The following KLHL32 variants were observed in gnomAD, a reference collection of about 807,000 sequenced individuals.
KLHL32 encodes the protein kelch-like protein 32.
In KLHL32, 35 loss-of-function variants were observed where a neutral mutation model predicts 64.8. The observed-to-expected ratio is 0.54, with a 90% CI of 0.41 to 0.72. The LOEUF is 0.72. Among genes scored for constraint, KLHL32 ranks in the 30% least tolerant of loss-of-function variants. KLHL32 has a pLI of 0.00. For missense variants in KLHL32, 589 were observed against 768.5 expected, an observed-to-expected ratio of 0.77 and a Z score of 2.76; for synonymous variants, 259 against 281.0, an observed-to-expected ratio of 0.92 and a Z score of 0.78.
At chr6:96,989,808 T>C (rs1334797894) in intron 3 of KLHL32, among the ~76,000 whole-genome samples, 1 of 152,218 alleles carries the variant, frequency 6.6e-6, no homozygotes, top group Non-Finnish European at 1.5e-5. Flanking sequence ...TTTAAACTTT[T>C]GGCTGACTGA....
chr6:96,898,576 CT>C, the KLHL32 span, among the ~76,000 whole-genome samples: 4 of 152,086 alleles, frequency 2.6e-5, no homozygotes, highest in East Asian at 7.7e-4. Context: ...TACTAATTTA[CT>C]TCTCCATGCT....
At chr6:96,934,776 G>C (rs1178596067) in intron 1 of KLHL32, among the ~76,000 whole-genome samples, 1 of 152,198 alleles carries the variant, frequency 6.6e-6, no homozygotes, top group East Asian at 1.9e-4. Context: ...TTTAGATTTA[G>C]AGCATTGATA....
chr6:96,909,042 C>T, the KLHL32 span, among the ~76,000 whole-genome samples: 1 of 152,114 alleles, frequency 6.6e-6, no homozygotes, highest in Non-Finnish European at 1.5e-5. Context: ...AGGGCAGCTC[C>T]AGGGATCTAA....
the KLHL32 span, among the ~76,000 whole-genome samples, chr6:96,913,770 C>T: frequency 3.3e-5 from 5 of 152,178 alleles, no homozygotes; most frequent in African/African-American, 1.2e-4. Context: ...CATATGTGCA[C>T]CTTAATAACT....
intron 3 of KLHL32, among the ~76,000 whole-genome samples, chr6:96,978,315 C>T (rs1408659562): frequency 6.6e-6 from 1 of 152,048 alleles, no homozygotes; most frequent in Non-Finnish European, 1.5e-5. Flanking sequence ...ATTAAGTAGG[C>T]CCCAGTGTCT....
chr6:97,139,889 C>T lies in KLHL32; in HGVS notation c.*607C>T, dbSNP rs1562377103. Reference sequence around the variant, plus strand: ...TGGTTACTCTGACCTTGGGTCAGAACCTAACTTTACAGTGCTTCAGTTTTC... The same window carrying T: ...TGGTTACTCTGACCTTGGGTCAGAATCTAACTTTACAGTGCTTCAGTTTTC... On this transcript the variant is annotated 3_prime_UTR_variant, in exon 11 of 11. Transcript: ENST00000369261. 1 of 152,096 alleles carries T rather than the reference C, an allele frequency of 6.6e-6. No individual in the cohort carries two copies. The highest frequency in any genetic ancestry group is 2.4e-5 in the African/African-American group (1 of 41,426). 9.4% of individuals were successfully genotyped at this position (152,096 alleles called of 1,614,324 possible). A position where few individuals can be genotyped will look rare whatever the true frequency, so the allele number is the denominator to read the frequency against.
At chr6:96,900,218 C>T in the KLHL32 span, among the ~76,000 whole-genome samples, 1 of 152,162 alleles carries the variant, frequency 6.6e-6, no homozygotes, top group Non-Finnish European at 1.5e-5. Flanking sequence ...TAATAGTAAT[C>T]ACCTAAGGGG....
At chr6:97,085,692 T>G (rs1035439535) in intron 6 of KLHL32, among the ~76,000 whole-genome samples, 1 of 152,228 alleles carries the variant, frequency 6.6e-6, no homozygotes, top group Admixed American at 6.5e-5. Context: ...TAAAGTGATA[T>G]ATATGCATAT....
intron 7 of KLHL32, among the ~76,000 whole-genome samples, chr6:97,118,256 A>C (rs1006648900): frequency 6.6e-6 from 1 of 152,214 alleles, no homozygotes; most frequent in Non-Finnish European, 1.5e-5. Flanking sequence ...ATAATGTAAA[A>C]TTTTATTAAC....
At position 97,024,838 on chromosome 6, in the gene KLHL32, A is replaced by T. The variant is rs9487758; in HGVS notation, c.205-16654A>T. The T allele has an allele frequency of 4.5e-3, 941 of 207,896 alleles. 14 individuals carry two copies. The highest frequency in any genetic ancestry group is 0.021 in the African/African-American group (886 of 42,386). The allele number at this position is 207,896 out of a possible 1,614,324, so 12.9% of individuals were successfully genotyped here. A position where few individuals can be genotyped will look rare whatever the true frequency, so the allele number is the denominator to read the frequency against. ...CATTTTTTATCATTTACACTGTGAC[A>T]GTCATTGTGCTAAGCCCCTTTATAT... On this transcript the variant is annotated intron_variant, in intron 3 of 10. Transcript: ENST00000369261.
intron 6 of KLHL32, among the ~76,000 whole-genome samples, chr6:97,091,189 A>G (rs1381884411): frequency 6.6e-6 from 1 of 152,228 alleles, no homozygotes; most frequent in Non-Finnish European, 1.5e-5. Context: ...AGCCTGGGCA[A>G]TAGAGCGAGA....
At chr6:97,078,479 T>C (rs576125321) in intron 5 of KLHL32, among the ~76,000 whole-genome samples, 1 of 152,328 alleles carries the variant, frequency 6.6e-6, no homozygotes, top group East Asian at 1.9e-4. Flanking sequence ...TAGCCACATC[T>C]GTTGAGTGTT....
At chr6:97,038,172 G>A (rs1340282928) in intron 3 of KLHL32, among the ~76,000 whole-genome samples, 1 of 151,940 alleles carries the variant, frequency 6.6e-6, no homozygotes, top group Non-Finnish European at 1.5e-5. Context: ...ATAGACAAAT[G>A]GAATTTCATC....
intron 3 of KLHL32, among the ~76,000 whole-genome samples, chr6:96,999,191 T>C (rs1201350746): frequency 6.6e-6 from 1 of 151,798 alleles, no homozygotes; most frequent in Non-Finnish European, 1.5e-5. Context: ...AGCCCAGGAG[T>C]TCAAGACCAG....
intron 3 of KLHL32, among the ~76,000 whole-genome samples, chr6:96,998,671 C>T (rs1351331981): frequency 1.3e-5 from 2 of 152,154 alleles, no homozygotes; most frequent in Admixed American, 1.3e-4. Flanking sequence ...AATTACTTTG[C>T]TTGAGGCCAA....
intron 6 of KLHL32, chr6:97,105,521 G>A (rs1176158730): frequency 2.1e-6 from 1 of 471,106 alleles, no homozygotes; most frequent in East Asian, 6.9e-5. Flanking sequence ...TGACAAGACT[G>A]GTAAGGATAT....
chr6:97,070,099 A>G (rs1348486601), intron 5 of KLHL32, among the ~76,000 whole-genome samples: 2 of 152,072 alleles, frequency 1.3e-5, no homozygotes, highest in Non-Finnish European at 2.9e-5. Context: ...AGAGAAGACA[A>G]ATGATTGTAC....
intron 3 of KLHL32, among the ~76,000 whole-genome samples, chr6:97,013,301 G>A (rs1419947343): frequency 1.3e-5 from 2 of 152,132 alleles, no homozygotes; most frequent in Non-Finnish European, 2.9e-5. Context: ...TTATTAGAAT[G>A]TCCTCTCTAT....
At chr6:96,965,750 C>T (rs1774380607) in intron 1 of KLHL32, among the ~76,000 whole-genome samples, 1 of 152,158 alleles carries the variant, frequency 6.6e-6, no homozygotes, top group African/African-American at 2.4e-5. Context: ...TTGAATTATT[C>T]TGACTGCCCG....
Sources: allele counts gnomAD v4.1 joint callset (sites outside exome capture counted in the v4.1 genomes callset), GRCh38; gene constraint gnomAD v4.1.1; transcripts MANE v1.5; gene names NCBI Gene and HGNC (gene_info 2026-07-23, HGNC 2026-07-21).